QTMAN: variants seen among roughly 807,000 people sequenced by gnomAD.
QTMAN encodes tRNA-queuosine alpha-mannosyltransferase.
the QTMAN span, among the ~76,000 whole-genome samples, chr2:144,053,006 T>C: frequency 6.6e-6 from 1 of 152,326 alleles, no homozygotes; most frequent in African/African-American, 2.4e-5. Flanking sequence ...GGTCATGCAC[T>C]GATACTCCAC....
chr2:144,322,734 G>T, the QTMAN span, among the ~76,000 whole-genome samples: 14 of 152,100 alleles, frequency 9.2e-5, no homozygotes, highest in African/African-American at 3.4e-4. Flanking sequence ...AGGGTTAGTC[G>T]AAATATGGAA....
the QTMAN span, among the ~76,000 whole-genome samples, chr2:144,064,081 C>T: frequency 6.6e-6 from 1 of 152,006 alleles, no homozygotes; most frequent in African/African-American, 2.4e-5. Context: ...AAGGAAAAAT[C>T]AGCACCTGAT....
chr2:144,215,730 C>A, the QTMAN span, among the ~76,000 whole-genome samples: 2 of 152,142 alleles, frequency 1.3e-5, no homozygotes, highest in South Asian at 4.1e-4. Flanking sequence ...ACAAATGTGG[C>A]AGCATATTTA....
At chr2:144,289,176 G>C in the QTMAN span, among the ~76,000 whole-genome samples, 10 of 152,052 alleles carry the variant, frequency 6.6e-5, no homozygotes, top group Non-Finnish European at 5.9e-5. Flanking sequence ...TGGGACTCCA[G>C]GCACCTGCCA....
chr2:144,268,308 C>A, the QTMAN span, among the ~76,000 whole-genome samples: 7 of 152,126 alleles, frequency 4.6e-5, no homozygotes, highest in African/African-American at 1.7e-4. Context: ...CTTGTACAGC[C>A]TGCAGAACCG....
the QTMAN span, among the ~76,000 whole-genome samples, chr2:144,080,741 T>A: frequency 3.3e-5 from 5 of 152,206 alleles, no homozygotes; most frequent in African/African-American, 1.2e-4. Context: ...AAAGTGATGC[T>A]GTGATTCTGT....
At chr2:144,214,818 T>C in the QTMAN span, among the ~76,000 whole-genome samples, 1 of 152,248 alleles carries the variant, frequency 6.6e-6, no homozygotes, top group Non-Finnish European at 1.5e-5. Flanking sequence ...TTTCCAATTA[T>C]ATGAATTGCA....
chr2:144,016,507 TAAG>T, the QTMAN span, among the ~76,000 whole-genome samples: 2,739 of 152,330 alleles, frequency 0.018, 35 homozygotes, highest in Middle Eastern at 0.031. Flanking sequence ...TCTTTCTGTG[TAAG>T]AATTTACCTT....
the QTMAN span, among the ~76,000 whole-genome samples, chr2:144,044,803 G>C: frequency 6.6e-6 from 1 of 152,152 alleles, no homozygotes; most frequent in East Asian, 1.9e-4. Flanking sequence ...TACAGTCCTG[G>C]CTTTAAGAAT....
chr2:144,017,281 G>A, the QTMAN span, among the ~76,000 whole-genome samples: 1 of 152,114 alleles, frequency 6.6e-6, no homozygotes, highest in Admixed American at 6.5e-5. Context: ...GGGATTACAG[G>A]TGTGAGCCAC....
chr2:144,332,450 C>G, the QTMAN span: 2 of 148,170 alleles, frequency 1.3e-5, no homozygotes, highest in Non-Finnish European at 3.0e-5. Flanking sequence ...TCCTCCTCCT[C>G]CTCCTCCTTG....
At chr2:143,959,336 A>T in the QTMAN span, among the ~76,000 whole-genome samples, 1 of 152,098 alleles carries the variant, frequency 6.6e-6, no homozygotes, top group Admixed American at 6.6e-5. Context: ...TGGAAAAAAA[A>T]AACACTTGCT....
the QTMAN span, among the ~76,000 whole-genome samples, chr2:144,001,992 G>A: frequency 4.0e-5 from 6 of 151,788 alleles, no homozygotes; most frequent in Non-Finnish European, 8.8e-5. Context: ...CTTTTTCAAG[G>A]AGGCTGCAAA....
chr2:144,067,177 T>C, the QTMAN span, among the ~76,000 whole-genome samples: 1 of 152,220 alleles, frequency 6.6e-6, no homozygotes, highest in Non-Finnish European at 1.5e-5. Context: ...CAGAAAGACA[T>C]AATATCTTGC....
At chr2:143,970,659 C>T in the QTMAN span, 6 of 1,542,982 alleles carry the variant, frequency 3.9e-6, no homozygotes, top group East Asian at 2.2e-5. Context: ...GTACCTGGGA[C>T]ATCTGTGAAG....
At chr2:144,229,103 A>G in the QTMAN span, among the ~76,000 whole-genome samples, 2 of 152,304 alleles carry the variant, frequency 1.3e-5, no homozygotes, top group East Asian at 3.9e-4. Flanking sequence ...CTTTGTGTCT[A>G]ATTTACCACT....
chr2:144,274,896 T>C, the QTMAN span, among the ~76,000 whole-genome samples: 2 of 151,786 alleles, frequency 1.3e-5, no homozygotes, highest in Non-Finnish European at 2.9e-5. Flanking sequence ...TGAAGGTGGG[T>C]TGTAGGGAGC....
chr2:144,292,664 T>A, the QTMAN span, among the ~76,000 whole-genome samples: 1 of 152,210 alleles, frequency 6.6e-6, no homozygotes, highest in East Asian at 1.9e-4. Context: ...ATTTATAGAG[T>A]CACCAATCCT....
chr2:144,074,515 A>G, the QTMAN span, among the ~76,000 whole-genome samples: 2 of 152,220 alleles, frequency 1.3e-5, no homozygotes, highest in African/African-American at 2.4e-5. Flanking sequence ...AAGATAAACA[A>G]TAACTTTTGG....
Sources: allele counts gnomAD v4.1 joint callset (sites outside exome capture counted in the v4.1 genomes callset), GRCh38; gene constraint gnomAD v4.1.1; transcripts MANE v1.5; gene names NCBI Gene and HGNC (gene_info 2026-07-23, HGNC 2026-07-21).